Variants in ASAP1 observed in about 807,000 individuals in gnomAD.
The protein encoded by ASAP1 is arf-GAP with SH3 domain, ANK repeat and PH domain-containing protein 1.
A neutral mutation model predicts 145.2 loss-of-function variants in ASAP1; 43 were observed. The observed-to-expected ratio is 0.30, with a 90% confidence interval of 0.23 to 0.38. The LOEUF (loss-of-function observed/expected upper bound fraction) is 0.38, where lower values mean the gene tolerates loss of function less well. Ranked by LOEUF, ASAP1 falls within the 10% of genes least tolerant of loss-of-function variation. The pLI, the probability that ASAP1 is intolerant of heterozygous loss-of-function variation, is 1.00. For synonymous variants in ASAP1, 546 were observed against 515.5 expected, an observed-to-expected ratio of 1.06 and a Z score of -0.80; for missense variants, 1,018 against 1,355.3, an observed-to-expected ratio of 0.75 and a Z score of 3.91.
intron 3 of ASAP1, among the ~76,000 whole-genome samples, chr8:130,268,539 G>A (rs1419288001): frequency 7.9e-6 from 1 of 126,024 alleles, no homozygotes; most frequent in Non-Finnish European, 1.7e-5. Flanking sequence ...ACACACAACT[G>A]TGTAACTATA....
rs779697078 is a variant in ASAP1 at position 130,168,997 on chromosome 8, A to G, written c.817T>C (p.Tyr273His). ...QYIEKLAADL[Y>H]NIKQTQDEEK... ...GTATTTTATAAAGAACTTACATTATATAAATCAGCAGCCAGTTTTTCAATG... is the reference window on the plus strand; with the variant it reads ...GTATTTTATAAAGAACTTACATTATGTAAATCAGCAGCCAGTTTTTCAATG... The change falls in exon 10 of 30, where the codon TAT becomes CAT. Residue 273 changes from tyrosine to histidine, a missense_variant. Physicochemically the swap from Tyr to His is moderately conservative, Grantham distance 83. Transcript: ENST00000518721. 2 of 1,568,750 alleles carry G rather than the reference A, an allele frequency of 1.3e-6. No homozygotes were observed. Among genetic ancestry groups the G allele is most frequent in the Non-Finnish European group, 1.7e-6 (2 of 1,159,330 alleles).
Position 130,107,228 on chromosome 8 carries a change from G to A in ASAP1, c.2401+4866C>T, listed in dbSNP as rs1217190331. On this transcript the variant is annotated intron_variant, in intron 24 of 29. Coordinates refer to ENST00000518721, the MANE Select transcript of ASAP1 (RefSeq NM_018482.4). ...GACGGAGTCTCACCCTGTGGCCCAGGTTGGAGAGAAGTGGCACAATCTCGG... is the reference window on the plus strand; with the variant it reads ...GACGGAGTCTCACCCTGTGGCCCAGATTGGAGAGAAGTGGCACAATCTCGG... Among the ~76,000 whole-genome samples the A allele has an allele frequency of 2.2e-5, 3 of 139,218 alleles. No individual in the cohort carries two copies. The Admixed American group carries it at 2.3e-4, about 11-fold the overall frequency. The allele number at this position is 139,218 out of a possible 152,430, so 91.3% of individuals were successfully genotyped here. A position where few individuals can be genotyped will look rare whatever the true frequency, so the allele number is the denominator to read the frequency against.
chr8:130,278,072 A>G (rs1821024483), intron 3 of ASAP1, among the ~76,000 whole-genome samples: 1 of 136,686 alleles, frequency 7.3e-6, no homozygotes, highest in Non-Finnish European at 1.6e-5. Context: ...TGAAAACCAG[A>G]AAAAAAAAAA....
At chr8:130,154,216 G>C (rs2097653423) in intron 12 of ASAP1, among the ~76,000 whole-genome samples, 1 of 151,998 alleles carries the variant, frequency 6.6e-6, no homozygotes, top group Non-Finnish European at 1.5e-5. Flanking sequence ...TCAGAGCCCC[G>C]AGAAAAAACT....
At chr8:130,312,456 A>G (rs1470325755) in intron 3 of ASAP1, among the ~76,000 whole-genome samples, 6 of 151,804 alleles carry the variant, frequency 4.0e-5, no homozygotes, top group Non-Finnish European at 8.8e-5. Flanking sequence ...AGGAGGGGAA[A>G]AAAAACCCAT....
At chr8:130,370,516 A>G (rs573127805) in intron 2 of ASAP1, among the ~76,000 whole-genome samples, 20 of 152,350 alleles carry the variant, frequency 1.3e-4, no homozygotes, top group Admixed American at 9.8e-4. Flanking sequence ...GTAATTTGTT[A>G]TAGCAGCCCA....
intron 12 of ASAP1, among the ~76,000 whole-genome samples, chr8:130,153,332 AATATATATATATATATATATAT>A (rs67554567): frequency 1.1e-5 from 1 of 87,512 alleles, no homozygotes; most frequent in African/African-American, 4.4e-5. Flanking sequence ...CTGCTTTTTA[AATATATATATATATATATATAT>A]ATATGTATAT....
chr8:130,141,133 G>A (rs1003455010), intron 13 of ASAP1, among the ~76,000 whole-genome samples: 2 of 152,134 alleles, frequency 1.3e-5, no homozygotes, highest in East Asian at 1.9e-4. Context: ...TTTAGGAAAT[G>A]CTTTCATATT....
At chr8:130,405,301 T>C (rs72724502) in intron 1 of ASAP1, among the ~76,000 whole-genome samples, 5,229 of 152,148 alleles carry the variant, frequency 0.034, 124 homozygotes, top group Middle Eastern at 0.075. Flanking sequence ...TCACAAGATA[T>C]GAAATAACGT....
At chr8:130,250,424 T>G (rs1433384885) in intron 3 of ASAP1, among the ~76,000 whole-genome samples, 3 of 152,184 alleles carry the variant, frequency 2.0e-5, no homozygotes, top group African/African-American at 7.2e-5. Context: ...TATTCTACTT[T>G]TTGTCACGTC....
chr8:130,322,038 A>G (rs183574995), intron 3 of ASAP1, among the ~76,000 whole-genome samples: 9 of 152,372 alleles, frequency 5.9e-5, no homozygotes, highest in African/African-American at 2.2e-4. Flanking sequence ...GGGAATGCAA[A>G]TCATAAATGT....
intron 24 of ASAP1, among the ~76,000 whole-genome samples, chr8:130,109,523 G>A (rs924091429): frequency 3.9e-5 from 6 of 151,994 alleles, no homozygotes; most frequent in African/African-American, 1.5e-4. Flanking sequence ...ATTCAGTTGA[G>A]GAAATGACTT....
intron 29 of ASAP1, among the ~76,000 whole-genome samples, chr8:130,056,253 G>C (rs1280696430): frequency 2.6e-5 from 4 of 152,224 alleles, no homozygotes; most frequent in Non-Finnish European, 4.4e-5. Context: ...ACGTGGGGGG[G>C]CTTCAGAGCC....
intron 9 of ASAP1, among the ~76,000 whole-genome samples, chr8:130,178,289 A>G (rs972412696): frequency 6.6e-5 from 10 of 152,044 alleles, no homozygotes; most frequent in Non-Finnish European, 1.0e-4. Flanking sequence ...ACGAATACAG[A>G]CTTTACTAAT....
chr8:130,250,408 A>G (rs551072196), intron 3 of ASAP1, among the ~76,000 whole-genome samples: 1 of 152,298 alleles, frequency 6.6e-6, no homozygotes, highest in East Asian at 1.9e-4. Flanking sequence ...ACTAAAAAAC[A>G]TGTTTTATTC....
chr8:130,246,150 G>A (rs763489312), intron 3 of ASAP1, among the ~76,000 whole-genome samples: 2 of 151,710 alleles, frequency 1.3e-5, no homozygotes, highest in Non-Finnish European at 2.9e-5. Flanking sequence ...AGCCATTTGC[G>A]GTGAAGGGCC....
chr8:130,142,549 T>C (rs576850635), intron 13 of ASAP1, among the ~76,000 whole-genome samples: 138 of 152,222 alleles, frequency 9.1e-4, no homozygotes, highest in African/African-American at 3.2e-3. Flanking sequence ...TAAACATCTG[T>C]GGAAACAGAC....
At chr8:130,245,772 AGAAAACTGGAAC>A (rs1269838087) in intron 3 of ASAP1, among the ~76,000 whole-genome samples, 31 of 152,230 alleles carry the variant, frequency 2.0e-4, no homozygotes, top group Admixed American at 1.4e-3. Context: ...GCTGTACAGA[AGAAAACTGGAAC>A]TCAATAATGC....
intron 3 of ASAP1, among the ~76,000 whole-genome samples, chr8:130,240,376 T>C (rs777893113): frequency 2.0e-5 from 3 of 152,148 alleles, no homozygotes; most frequent in Non-Finnish European, 4.4e-5. Flanking sequence ...AAGAGCCTCA[T>C]GTTTTAGAGA....
Sources: gnomAD v4.1 joint callset for allele counts (sites outside exome capture counted in the v4.1 genomes callset) on GRCh38, gnomAD v4.1.1 for gene constraint, MANE v1.5 for transcripts, NCBI Gene and HGNC (gene_info 2026-07-23, HGNC 2026-07-21) for gene names.